The following INTS15 variants were observed in gnomAD, a reference collection of about 807,000 sequenced individuals.
The protein encoded by INTS15 is uncharacterized protein C7orf26.
At chr7:6,590,261 G>C in the INTS15 span, 2 of 1,492,308 alleles carry the variant, frequency 1.3e-6, no homozygotes, top group South Asian at 1.2e-5. Context: ...CGCGCTCGGC[G>C]CGGGGGCCGC....
the INTS15 span, chr7:6,608,221 TGGCC>T: frequency 6.5e-7 from 1 of 1,528,294 alleles, no homozygotes. Flanking sequence ...ATGGAAGGGG[TGGCC>T]GGACTCCCAG....
chr7:6,598,282 C>T, the INTS15 span, among the ~76,000 whole-genome samples: 2 of 152,016 alleles, frequency 1.3e-5, no homozygotes, highest in East Asian at 3.9e-4. Flanking sequence ...CCAGCCTGGC[C>T]AACATGGCGA....
chr7:6,604,888 A>G, the INTS15 span, among the ~76,000 whole-genome samples: 2 of 152,064 alleles, frequency 1.3e-5, no homozygotes, highest in African/African-American at 2.4e-5. Flanking sequence ...CTGGGATAAG[A>G]CTGTCCTGCG....
the INTS15 span, chr7:6,594,457 T>G: frequency 1.2e-6 from 2 of 1,614,096 alleles, no homozygotes; most frequent in East Asian, 2.2e-5. Context: ...GTTTACTGTG[T>G]GAGGTTAGCC....
At chr7:6,599,817 C>G in the INTS15 span, 7 of 1,609,858 alleles carry the variant, frequency 4.3e-6, no homozygotes, top group Middle Eastern at 3.3e-4. Flanking sequence ...ACCTAATGGT[C>G]TTTGTTTGCA....
chr7:6,598,542 G>T, the INTS15 span, among the ~76,000 whole-genome samples: 1 of 151,694 alleles, frequency 6.6e-6, no homozygotes, highest in African/African-American at 2.4e-5. Context: ...GCAGTAGGTG[G>T]GCAGGGCGGT....
the INTS15 span, chr7:6,590,080 T>G: frequency 3.0e-6 from 1 of 331,136 alleles, no homozygotes; most frequent in Non-Finnish European, 5.3e-6. Context: ...GGCGCCGCAG[T>G]CGGACCTTCG....
the INTS15 span, chr7:6,591,987 C>T: frequency 2.5e-6 from 2 of 806,394 alleles, no homozygotes; most frequent in Non-Finnish European, 2.0e-6. Context: ...GCCTGACCAA[C>T]ATGGCGAAAT....
the INTS15 span, among the ~76,000 whole-genome samples, chr7:6,603,645 C>T: frequency 6.6e-6 from 1 of 151,898 alleles, no homozygotes; most frequent in Non-Finnish European, 1.5e-5. Context: ...TTGAGTCCAA[C>T]TTGGCCAACA....
chr7:6,594,001 C>CTTTT, the INTS15 span, among the ~76,000 whole-genome samples: 186 of 68,898 alleles, frequency 2.7e-3, 1 homozygote, highest in African/African-American at 4.0e-3. Flanking sequence ...AAGCCTTTAA[C>CTTTT]TTTTTTTTTT....
chr7:6,600,649 T>A, the INTS15 span, among the ~76,000 whole-genome samples: 1 of 152,300 alleles, frequency 6.6e-6, no homozygotes, highest in East Asian at 1.9e-4. Flanking sequence ...TTTTTTATTT[T>A]ATCTTATTTT....
chr7:6,594,001 CTTTTTTTTTTTT>C, the INTS15 span, among the ~76,000 whole-genome samples: 8 of 68,938 alleles, frequency 1.2e-4, no homozygotes, highest in Non-Finnish European at 2.0e-4. Context: ...AAGCCTTTAA[CTTTTTTTTTTTT>C]TTTTTTTTTT....
chr7:6,608,240 G>C, the INTS15 span: 1 of 1,513,020 alleles, frequency 6.6e-7, no homozygotes, highest in Non-Finnish European at 8.8e-7. Context: ...TCCCAGAAGA[G>C]AACCTCGGGG....
At chr7:6,607,795 G>C in the INTS15 span, 3 of 1,485,926 alleles carry the variant, frequency 2.0e-6, 1 homozygote, top group South Asian at 2.7e-5. The surrounding 1 kb of genome is among the most constrained non-coding windows in gnomAD (Gnocchi z 6.0). Context: ...TGGGGTCCTG[G>C]CTCTGCCACT....
At chr7:6,608,460 G>T in the INTS15 span, 2 of 1,272,478 alleles carry the variant, frequency 1.6e-6, no homozygotes, top group South Asian at 1.7e-5. Context: ...CCTGTGTGGC[G>T]AGGAGTGTGA....
chr7:6,603,696 A>G, the INTS15 span, among the ~76,000 whole-genome samples: 3 of 152,082 alleles, frequency 2.0e-5, no homozygotes, highest in Non-Finnish European at 4.4e-5. Flanking sequence ...AAAGTTAGCC[A>G]GGCATGGTGG....
chr7:6,602,670 A>G, the INTS15 span: 1 of 471,174 alleles, frequency 2.1e-6, no homozygotes, highest in Non-Finnish European at 4.4e-6. Context: ...ACAGGACGGT[A>G]GTGAGGATGA....
the INTS15 span, chr7:6,599,701 C>A: frequency 1.1e-6 from 1 of 869,638 alleles, no homozygotes; most frequent in Non-Finnish European, 1.8e-6. Context: ...ATAGCTAAGC[C>A]AGGAGGCGTG....
At chr7:6,607,724 C>T in the INTS15 span, 74 of 1,511,592 alleles carry the variant, frequency 4.9e-5, no homozygotes, top group South Asian at 7.8e-4. This position sits in a 1 kb window ranked among gnomAD's most constrained non-coding sequence, Gnocchi z 6.0. Context: ...GGGAGTGCTA[C>T]GGCCGGAGCT....
Sources: allele counts gnomAD v4.1 joint callset (sites outside exome capture counted in the v4.1 genomes callset), GRCh38; gene constraint gnomAD v4.1.1; non-coding constraint Gnocchi (gnomAD v3.1); transcripts MANE v1.5; gene names NCBI Gene and HGNC (gene_info 2026-07-23, HGNC 2026-07-21).